The following ZDHHC11 variants were observed in gnomAD, a reference collection of about 807,000 sequenced individuals.
ZDHHC11 encodes the protein palmitoyltransferase ZDHHC11.
Under a neutral mutation model 51.3 loss-of-function variants are expected in ZDHHC11, and 44 were observed. The observed-to-expected ratio is 0.86, with a 90% CI of 0.67 to 1.10. ZDHHC11 has a LOEUF of 1.10. ZDHHC11 is among the 50% of genes least tolerant of loss of function. The probability of loss-of-function intolerance (pLI) is 0.00; values close to 1 mark genes in which losing one functional copy is unlikely to be tolerated. For synonymous variants in ZDHHC11, 163 were observed against 222.0 expected, an observed-to-expected ratio of 0.73 and a Z score of 2.36; for missense variants, 400 against 537.7, an observed-to-expected ratio of 0.74 and a Z score of 2.53.
At chr5:808,514 C>A (rs1739608286) in intron 11 of ZDHHC11, among the ~76,000 whole-genome samples, 2 of 148,858 alleles carry the variant, frequency 1.3e-5, no homozygotes, top group Admixed American at 6.7e-5. Flanking sequence ...GTCTCCAACA[C>A]ACTTACGTGT....
chr5:815,299 CT>C (rs1343424699), intron 10 of ZDHHC11, among the ~76,000 whole-genome samples: 2 of 150,922 alleles, frequency 1.3e-5, no homozygotes, highest in East Asian at 3.9e-4. Context: ...AAATACATTT[CT>C]TGTTCCAACA....
At chr5:854,325 A>C (rs1202485847), upstream of ZDHHC11, among the ~76,000 whole-genome samples, 261 of 113,372 alleles carry the variant, frequency 2.3e-3, no homozygotes, top group Middle Eastern at 8.2e-3. Context: ...GGGGGACAGA[A>C]CCCACAGAGG....
intron 11 of ZDHHC11, among the ~76,000 whole-genome samples, chr5:804,456 C>A (rs1427762192): frequency 6.6e-6 from 1 of 150,924 alleles, no homozygotes; most frequent in Non-Finnish European, 1.5e-5. Flanking sequence ...TGGCTGAAAA[C>A]TTTCCAAATC....
intron 4 of ZDHHC11, 163 bp from the exon 5 acceptor site, chr5:840,813 C>G (rs3817055): frequency 6.8e-7 from 1 of 1,472,324 alleles, no homozygotes; most frequent in Non-Finnish European, 9.1e-7. Flanking sequence ...CTGAGTGCCC[C>G]GTAGGCCCTG....
Position 814,518 on chromosome 5 carries a change from G to T in ZDHHC11, c.1181+243C>A. Among the ~76,000 whole-genome samples, 2 of 151,338 alleles carry T rather than the reference G, an allele frequency of 1.3e-5. 1 individual carries two copies. The highest frequency in any genetic ancestry group is 4.8e-5 in the African/African-American group (2 of 41,240). The stretch of plus-strand genomic sequence containing the variant: ...GTGTTTAAAGAAAGAAAATAACTAC[G>T]CTTGGCCTTATTTTTGTGCGTAAGT... On this transcript the variant is annotated intron_variant, in intron 11 of 12. Coordinates refer to ENST00000283441, the MANE Select transcript of ZDHHC11 (RefSeq NM_024786.3).
At position 819,905 on chromosome 5, in the gene ZDHHC11, T is replaced by C. The variant is rs1278842076; in HGVS notation, c.1059-293A>G. ...ACCCTAGACCAGTGCCTTAGACAGG[T>C]AGTGTCCTCCGTTAGTGTAGCTGGT... On this transcript the variant is annotated intron_variant, in intron 9 of 12. Coordinates refer to ENST00000283441, the MANE Select transcript of ZDHHC11 (RefSeq NM_024786.3). Among the ~76,000 whole-genome samples, 10 of 151,248 alleles carry C rather than the reference T, an allele frequency of 6.6e-5. 1 individual carries two copies. Among genetic ancestry groups the C allele is most frequent in the African/African-American group, 1.7e-4 (7 of 41,232 alleles).
intron 11 of ZDHHC11, among the ~76,000 whole-genome samples, chr5:810,615 G>A (rs1662270484): frequency 6.6e-6 from 1 of 151,310 alleles, no homozygotes; most frequent in African/African-American, 2.4e-5. Context: ...GCAGCAGGCA[G>A]AGCCTGAAGT....
intron 4 of ZDHHC11, among the ~76,000 whole-genome samples, chr5:843,052 C>T (rs1322031362): frequency 3.3e-5 from 5 of 152,286 alleles, no homozygotes; most frequent in East Asian, 1.9e-4. Context: ...CTGGGTTAGG[C>T]GTGGACTCGC....
intron 5 of ZDHHC11, among the ~76,000 whole-genome samples, chr5:838,651 A>C (rs388531): frequency 3.0e-4 from 45 of 151,440 alleles, no homozygotes; most frequent in East Asian, 5.8e-4. Context: ...ACAGCAGCCG[A>C]CTGCCTGTCC....
chr5:858,382 A>AG (rs201537190), intron 1 of ZDHHC11, among the ~76,000 whole-genome samples: 8,888 of 127,534 alleles, frequency 0.07, 339 homozygotes, highest in Admixed American at 0.14. Flanking sequence ...GTGGTCCCCC[A>AG]AGTCTGTCCA....
At chr5:798,811 T>A (rs1486282257) in intron 12 of ZDHHC11, among the ~76,000 whole-genome samples, 3 of 151,842 alleles carry the variant, frequency 2.0e-5, no homozygotes, top group African/African-American at 7.2e-5. Flanking sequence ...TGAATGAGGC[T>A]AATTCATTTC....
intron 10 of ZDHHC11, chr5:816,768 A>G: frequency 2.0e-6 from 1 of 496,484 alleles, no homozygotes; most frequent in Non-Finnish European, 4.0e-6. Context: ...AAGAGCCTAC[A>G]GGAGTGGATT....
At chr5:810,912 G>A (rs1217683010) in intron 11 of ZDHHC11, among the ~76,000 whole-genome samples, 2 of 152,074 alleles carry the variant, frequency 1.3e-5, no homozygotes, top group African/African-American at 4.8e-5. Flanking sequence ...ACAATGTAGA[G>A]TTTAAAAAGC....
Position 850,697 on chromosome 5 carries a change from C to G in ZDHHC11, c.-95G>C. On this transcript the variant is annotated 5_prime_UTR_variant, in exon 1 of 13. Transcript: ENST00000283441. Reference sequence around the variant, plus strand: ...GAGACCAAGGGGACTGGGAATGCAGCCGCCAGGACCAGCACTGACAGCCAA... The same window carrying G: ...GAGACCAAGGGGACTGGGAATGCAGGCGCCAGGACCAGCACTGACAGCCAA... The G allele has an allele frequency of 2.1e-6, 3 of 1,456,720 alleles. No individual in the cohort carries two copies. Among genetic ancestry groups the G allele is most frequent in the South Asian group, 2.5e-5 (2 of 79,294 alleles). 90.2% of individuals were successfully genotyped at this position (1,456,720 alleles called of 1,614,324 possible).
At chr5:815,403 AC>A (rs1188780307) in intron 10 of ZDHHC11, among the ~76,000 whole-genome samples, 1 of 151,138 alleles carries the variant, frequency 6.6e-6, no homozygotes, top group Admixed American at 6.6e-5. Context: ...TTGGTTAAGA[AC>A]CTGGGAGTGG....
At chr5:850,275 T>G (rs1443217471) in intron 1 of ZDHHC11, 106 bp downstream of exon 1, 1 of 1,308,268 alleles carries the variant, frequency 7.6e-7, no homozygotes, top group Non-Finnish European at 1.1e-6. Context: ...CCAGGGCAGG[T>G]GACTGGTGCC....
chr5:849,338 G>A lies in ZDHHC11; in HGVS notation c.223-678C>T, dbSNP rs796757390. Among the ~76,000 whole-genome samples, 44 of 152,264 alleles carry A rather than the reference G, an allele frequency of 2.9e-4. 1 individual carries two copies. The highest frequency in any genetic ancestry group is 7.2e-4 in the African/African-American group (30 of 41,542). On this transcript the variant is annotated intron_variant, in intron 1 of 12. Transcript: ENST00000283441. ...ACCCCAAAACCCTTTACAGCTTGAG[G>A]GACAGAGCAGGGCCACAGGAGGGAC... is the stretch of plus-strand genomic sequence containing the variant.
chr5:852,733 C>G (rs1286235746), upstream of ZDHHC11, among the ~76,000 whole-genome samples: 1 of 135,580 alleles, frequency 7.4e-6, no homozygotes, highest in Non-Finnish European at 1.5e-5. Flanking sequence ...CCACAGAGGA[C>G]AGCAAACCGG....
At chr5:816,443 G>A (rs1379438008) in intron 10 of ZDHHC11, 5 of 461,736 alleles carry the variant, frequency 1.1e-5, no homozygotes, top group South Asian at 4.9e-5. Context: ...TGGCCGTAGC[G>A]GCATGTGGAT....
Sources: allele counts gnomAD v4.1 joint callset (sites outside exome capture counted in the v4.1 genomes callset), GRCh38; gene constraint gnomAD v4.1.1; transcripts MANE v1.5; gene names NCBI Gene and HGNC (gene_info 2026-07-23, HGNC 2026-07-21).